Variants in DNAJC12 observed in about 807,000 individuals in gnomAD.
DNAJC12 encodes DnaJ heat shock protein family (Hsp40) member C12.
A neutral mutation model predicts 28.5 loss-of-function variants in DNAJC12; 25 were observed. That is an observed-to-expected ratio of 0.88 (90% confidence interval 0.64 to 1.22). The LOEUF is 1.22. DNAJC12 is among the 50% of genes most tolerant of loss of function. DNAJC12 has a pLI of 0.00. For missense variants in DNAJC12, 222 were observed against 231.7 expected (o/e 0.96, Z 0.27); for synonymous variants, 77 against 80.6 (o/e 0.95, Z 0.24).
intron 1 of DNAJC12, among the ~76,000 whole-genome samples, chr10:67,824,885 C>A (rs1232010862): frequency 6.6e-6 from 1 of 152,080 alleles, no homozygotes; most frequent in Non-Finnish European, 1.5e-5. Flanking sequence ...AGGTGCCCAC[C>A]ACCACGCCTG....
intron 1 of DNAJC12, chr10:67,834,145 T>C: frequency 2.5e-6 from 1 of 398,714 alleles, no homozygotes; most frequent in South Asian, 2.0e-5. Context: ...GTACCAAGCT[T>C]TTATAATAAA....
intron 4 of DNAJC12, among the ~76,000 whole-genome samples, chr10:67,800,406 A>C (rs1479405711): frequency 1.3e-5 from 2 of 152,152 alleles, no homozygotes; most frequent in Non-Finnish European, 2.9e-5. Flanking sequence ...AACTTCTTAG[A>C]GTTATCTCAC....
chr10:67,797,158 A>G lies in DNAJC12; in HGVS notation c.555T>C (p.Ala185=). Residue 185 remains alanine, a synonymous_variant, in exon 5 of 5, where the codon GCT becomes GCC. Coordinates refer to ENST00000225171, the MANE Select transcript of DNAJC12 (RefSeq NM_021800.3). ...WHLRFRWSKD[A]PSELLRKFRN... is the part of the protein sequence containing the mutation. ...TGAACTTCCTCAGGAGTTCTGAGGG[A>G]GCATCCTTGGACCAGCGGAAACGAA... 6.2e-7 allele frequency: 1 copy of G among 1,613,742 alleles called. No individual in the cohort carries two copies. Among genetic ancestry groups the G allele is most frequent in the Non-Finnish European group, 8.5e-7 (1 of 1,179,816 alleles).
chr10:67,818,482 C>T (rs1198584741), intron 2 of DNAJC12, among the ~76,000 whole-genome samples: 1 of 152,160 alleles, frequency 6.6e-6, no homozygotes, highest in East Asian at 1.9e-4. Flanking sequence ...CATGAAAACC[C>T]CCATCACTAT....
intron 2 of DNAJC12, among the ~76,000 whole-genome samples, chr10:67,812,972 A>C (rs1841876926): frequency 6.6e-6 from 1 of 152,192 alleles, no homozygotes; most frequent in East Asian, 1.9e-4. Context: ...CAGTGAGCCG[A>C]GTTTGCACCA....
At chr10:67,825,744 G>A in intron 1 of DNAJC12, 1 of 16,970 alleles carries the variant, frequency 5.9e-5, no homozygotes, top group African/African-American at 1.2e-4. Flanking sequence ...ATACGCATAT[G>A]TATAAAACCC....
chr10:67,819,289 A>G (rs1841947467), intron 2 of DNAJC12, among the ~76,000 whole-genome samples: 1 of 151,380 alleles, frequency 6.6e-6, no homozygotes, highest in African/African-American at 2.4e-5. Flanking sequence ...ACCAAGAGAT[A>G]GCGCCACTGT....
intron 2 of DNAJC12, among the ~76,000 whole-genome samples, chr10:67,822,348 A>G (rs1841989087): frequency 1.3e-5 from 2 of 152,232 alleles, no homozygotes; most frequent in Admixed American, 6.5e-5. Context: ...ATGCAAGTTC[A>G]GGGGAGATAA....
At chr10:67,806,749 C>T (rs1841805122) in intron 3 of DNAJC12, among the ~76,000 whole-genome samples, 2 of 151,154 alleles carry the variant, frequency 1.3e-5, no homozygotes, top group Admixed American at 1.3e-4. Context: ...TGCTTGAACC[C>T]AGGAGGTGGA....
At chr10:67,835,113 A>G (rs1194825182) in intron 1 of DNAJC12, among the ~76,000 whole-genome samples, 1 of 152,216 alleles carries the variant, frequency 6.6e-6, no homozygotes, top group East Asian at 1.9e-4. Context: ...TACTTTAATC[A>G]ATTTCTAGCA....
At chr10:67,822,105 A>G (rs1841986975) in intron 2 of DNAJC12, among the ~76,000 whole-genome samples, 1 of 152,186 alleles carries the variant, frequency 6.6e-6, no homozygotes, top group African/African-American at 2.4e-5. Flanking sequence ...GAGCCATCAA[A>G]AGAGCTGGTG....
At chr10:67,827,797 T>C (rs1842052266) in intron 1 of DNAJC12, 1 of 152,232 alleles carries the variant, frequency 6.6e-6, no homozygotes, top group Non-Finnish European at 1.5e-5. Flanking sequence ...TTATATTTTC[T>C]AGGTTTTACC....
intron 1 of DNAJC12, among the ~76,000 whole-genome samples, chr10:67,832,075 G>A (rs1432712024): frequency 6.6e-6 from 1 of 152,136 alleles, no homozygotes; most frequent in Non-Finnish European, 1.5e-5. Flanking sequence ...AGACCGGCCT[G>A]ACCAACATGG....
chr10:67,812,749 G>A (rs1841873708), intron 2 of DNAJC12, among the ~76,000 whole-genome samples: 1 of 151,832 alleles, frequency 6.6e-6, no homozygotes, highest in Non-Finnish European at 1.5e-5. Flanking sequence ...AGCTACTCGG[G>A]GGCTGAGGCA....
intron 3 of DNAJC12, chr10:67,808,691 T>C (rs1340794301): frequency 6.6e-6 from 1 of 152,126 alleles, no homozygotes; most frequent in Admixed American, 6.6e-5. Flanking sequence ...TTTTTTTAAA[T>C]CCATGGACTC....
rs558766454 is a variant in DNAJC12 at position 67,837,815 on chromosome 10, C to T, written c.78+119G>A. ...GAGCCAAAAGTGCTTTAAAACAACA[C>T]AAGGTTAGGTTTGTAGGCAATGTGA... On this transcript the variant is annotated intron_variant, in intron 1 of 4. Transcript: ENST00000225171. The T allele has an allele frequency of 2.2e-4, 150 of 669,946 alleles. No homozygotes were observed. In the African/African-American group the frequency reaches 2.7e-3, roughly 12 times the overall value. 41.5% of individuals were successfully genotyped at this position (669,946 alleles called of 1,614,324 possible).
intron 4 of DNAJC12, 124 bp downstream of exon 4, chr10:67,805,459 T>C (rs1408888292): frequency 2.9e-6 from 3 of 1,049,928 alleles, no homozygotes; most frequent in East Asian, 2.5e-5. Context: ...TCTTTTAAGA[T>C]GATAAACCAA....
intron 2 of DNAJC12, among the ~76,000 whole-genome samples, chr10:67,818,094 A>T (rs1417255899): frequency 7.1e-6 from 1 of 141,308 alleles, no homozygotes; most frequent in Non-Finnish European, 1.6e-5. Context: ...GGTCCCAGCT[A>T]CTTGGGAGGC....
intron 2 of DNAJC12, among the ~76,000 whole-genome samples, chr10:67,813,357 C>T (rs1231312449): frequency 6.6e-6 from 1 of 151,534 alleles, no homozygotes; most frequent in African/African-American, 2.4e-5. Context: ...AGCGAGACTC[C>T]GTCTCCAAAA....
Sources: gnomAD v4.1 joint callset for allele counts (sites outside exome capture counted in the v4.1 genomes callset) on GRCh38, gnomAD v4.1.1 for gene constraint, MANE v1.5 for transcripts, NCBI Gene and HGNC (gene_info 2026-07-23, HGNC 2026-07-21) for gene names.